TEX9: variants seen among roughly 807,000 people sequenced by gnomAD.
TEX9 encodes testis expressed 9.
Under a neutral mutation model 59.6 loss-of-function variants are expected in TEX9, and 74 were observed. That is an observed-to-expected ratio of 1.24 (90% CI 1.03 to 1.51). TEX9 has a LOEUF of 1.51. Ranked by LOEUF, TEX9 falls within the 40% of genes most tolerant of loss-of-function variation. The pLI, the probability that TEX9 is intolerant of heterozygous loss-of-function variation, is 0.00. For synonymous variants in TEX9, 186 were observed against 152.2 expected, an observed-to-expected ratio of 1.22 and a Z score of -1.64; for missense variants, 522 against 447.8, an observed-to-expected ratio of 1.17 and a Z score of -1.49.
In TEX9 at chr15:56,272,836, T is replaced by C. The variant is rs111699184; in HGVS notation, c.-107+28558T>C. Among the ~76,000 whole-genome samples, 1,180 of 152,332 alleles carry C rather than the reference T, an allele frequency of 7.7e-3. 14 individuals carry two copies. The highest frequency in any genetic ancestry group is 0.028 in the African/African-American group (1,145 of 41,576). Reference sequence around the variant, plus strand: ...GTCAGATTTAAATCTATCATCTTGCTAGTTGTCTGCTATTTATGTAATTTG... The same window carrying C: ...GTCAGATTTAAATCTATCATCTTGCCAGTTGTCTGCTATTTATGTAATTTG... On this transcript the variant is annotated intron_variant, in intron 1 of 5. Coordinates refer to the TEX9 transcript ENST00000560827.
downstream of TEX9, chr15:56,446,975 T>G (rs756323461): frequency 6.8e-7 from 1 of 1,480,814 alleles, no homozygotes; most frequent in South Asian, 1.1e-5. Context: ...AATTTAAATG[T>G]TAGGACCATA....
At chr15:56,256,880 C>G (rs1462692148) in intron 1 of TEX9, among the ~76,000 whole-genome samples, 1 of 151,996 alleles carries the variant, frequency 6.6e-6, no homozygotes, top group Non-Finnish European at 1.5e-5. Flanking sequence ...TATTTCATCA[C>G]CAAGGTATGA....
chr15:56,300,592 G>A (rs575312721), intron 1 of TEX9, among the ~76,000 whole-genome samples: 1 of 152,208 alleles, frequency 6.6e-6, no homozygotes, highest in East Asian at 1.9e-4. Flanking sequence ...GTGAGACCCA[G>A]TATTGTGCTG....
chr15:56,358,677 T>C (rs1167639768), intron 1 of TEX9, among the ~76,000 whole-genome samples: 1 of 152,136 alleles, frequency 6.6e-6, no homozygotes, highest in Non-Finnish European at 1.5e-5. Flanking sequence ...TGGTCCAGTA[T>C]GTCACTGATA....
intron 2 of TEX9, among the ~76,000 whole-genome samples, chr15:56,367,670 A>T (rs1269823652): frequency 1.3e-5 from 2 of 152,200 alleles, no homozygotes; most frequent in Non-Finnish European, 2.9e-5. Context: ...TATTTATGCT[A>T]TTGAATTTTC....
chr15:56,427,588 T>C lies in TEX9; in HGVS notation c.964-17T>C, dbSNP rs1404563107. On this transcript the variant is annotated splice_polypyrimidine_tract_variant and intron_variant, in intron 10 of 12. Coordinates refer to ENST00000352903, the Ensembl canonical transcript of TEX9. ...CTGTATATTAAAAATATATGGCACT[T>C]TTTTTTCCTTGTGTAGGACATAGCA... is the stretch of plus-strand genomic sequence containing the variant. 3 of 1,470,826 alleles carry C rather than the reference T, an allele frequency of 2.0e-6. No homozygotes were observed. Among genetic ancestry groups the C allele is most frequent in the South Asian group, 1.4e-5 (1 of 70,780 alleles). 91.1% of individuals were successfully genotyped at this position (1,470,826 alleles called of 1,614,324 possible).
chr15:56,365,438 G>T (rs1267803166), exon 1 of TEX9: 2 of 1,609,068 alleles, frequency 1.2e-6, no homozygotes, highest in Non-Finnish European at 1.7e-6. Context: ...TAACCGCGTC[G>T]CAGTCGCCGA....
At chr15:56,320,734 G>C (rs1160854339) in intron 1 of TEX9, among the ~76,000 whole-genome samples, 1 of 152,104 alleles carries the variant, frequency 6.6e-6, no homozygotes, top group Non-Finnish European at 1.5e-5. Context: ...ATCAGAATGG[G>C]TACACTTTGA....
upstream of TEX9, among the ~76,000 whole-genome samples, chr15:56,363,458 C>T (rs761166625): frequency 6.6e-5 from 10 of 151,964 alleles, no homozygotes; most frequent in Admixed American, 3.3e-4. Flanking sequence ...TGTGAGCCAC[C>T]GCGCCTGGCT....
chr15:56,357,313 C>A (rs1160505832), intron 1 of TEX9, among the ~76,000 whole-genome samples: 2 of 152,104 alleles, frequency 1.3e-5, no homozygotes, highest in Non-Finnish European at 2.9e-5. Context: ...AAAACACCTA[C>A]TTTAATTGCT....
At chr15:56,271,194 T>C (rs1301906067) in intron 1 of TEX9, among the ~76,000 whole-genome samples, 1 of 152,158 alleles carries the variant, frequency 6.6e-6, no homozygotes, top group Non-Finnish European at 1.5e-5. Context: ...CTTACTAGTT[T>C]GGGGAAGTTC....
At chr15:56,414,213 C>G (rs2049548432) in intron 10 of TEX9, among the ~76,000 whole-genome samples, 2 of 151,254 alleles carry the variant, frequency 1.3e-5, no homozygotes, top group African/African-American at 2.4e-5. Flanking sequence ...AAACAGATGA[C>G]TCTCCATATT....
chr15:56,298,603 C>G (rs1421653267), intron 1 of TEX9, among the ~76,000 whole-genome samples: 1 of 152,116 alleles, frequency 6.6e-6, no homozygotes, highest in Non-Finnish European at 1.5e-5. Context: ...CTGCCATTTC[C>G]TCAAGCTGTC....
intron 12 of TEX9, among the ~76,000 whole-genome samples, chr15:56,430,541 G>A (rs62023867): frequency 4.6e-5 from 7 of 152,050 alleles, no homozygotes; most frequent in Admixed American, 4.6e-4. Context: ...GTGTGTCTCA[G>A]GTATACATTA....
intron 1 of TEX9, among the ~76,000 whole-genome samples, chr15:56,271,466 G>A (rs1379573964): frequency 2.0e-5 from 3 of 152,080 alleles, no homozygotes; most frequent in Admixed American, 6.5e-5. Flanking sequence ...TAGTTCTCGT[G>A]CCATGCTTTT....
intron 1 of TEX9, among the ~76,000 whole-genome samples, chr15:56,346,667 A>T (rs2141855430): frequency 6.6e-6 from 1 of 152,312 alleles, no homozygotes; most frequent in East Asian, 1.9e-4. Flanking sequence ...ACATTTGCAG[A>T]TAGGAAAAAC....
chr15:56,440,005 C>A (rs2050792702), intron 12 of TEX9, among the ~76,000 whole-genome samples: 1 of 151,996 alleles, frequency 6.6e-6, no homozygotes, highest in Non-Finnish European at 1.5e-5. Flanking sequence ...TATTTGCTAA[C>A]CACCCACCTG....
At chr15:56,355,630 G>A (rs1204195054) in intron 1 of TEX9, among the ~76,000 whole-genome samples, 1 of 152,076 alleles carries the variant, frequency 6.6e-6, no homozygotes, top group Non-Finnish European at 1.5e-5. Context: ...AGAATCAGCT[G>A]ATAAATTTCT....
chr15:56,436,553 A>C (rs1189845648), intron 12 of TEX9, among the ~76,000 whole-genome samples: 1 of 152,188 alleles, frequency 6.6e-6, no homozygotes, highest in Non-Finnish European at 1.5e-5. Flanking sequence ...AGAACTAGAG[A>C]ACCAAGAGCA....
Sources: gnomAD v4.1 joint callset for allele counts (sites outside exome capture counted in the v4.1 genomes callset) on GRCh38, gnomAD v4.1.1 for gene constraint, MANE v1.5 for transcripts, NCBI Gene and HGNC (gene_info 2026-07-23, HGNC 2026-07-21) for gene names.